Variants in BLM observed in about 807,000 individuals in gnomAD.
BLM encodes the protein recQ-like DNA helicase BLM.
BLM carries 95 observed loss-of-function variants against 135.3 expected under a neutral mutation model. The observed-to-expected ratio is 0.70, with a 90% CI of 0.59 to 0.83. The LOEUF (loss-of-function observed/expected upper bound fraction) is 0.83. Among genes scored for constraint, BLM ranks in the 40% least tolerant of loss-of-function variants. The pLI is 0.00. For synonymous variants in BLM, 520 were observed against 589.2 expected (o/e 0.88, Z 1.70); for missense variants, 1,518 against 1,663.9 (o/e 0.91, Z 1.53).
intron 1 of BLM, among the ~76,000 whole-genome samples, chr15:90,725,973 A>C (rs578065630): frequency 7.2e-5 from 11 of 151,944 alleles, no homozygotes; most frequent in Admixed American, 2.6e-4. Flanking sequence ...GATTTAACAT[A>C]ATTTTAGTCA....
chr15:90,788,214 C>G (rs1170820016), intron 14 of BLM, among the ~76,000 whole-genome samples: 1 of 152,028 alleles, frequency 6.6e-6, no homozygotes, highest in East Asian at 1.9e-4. Context: ...ATAATTGAAA[C>G]AGATAAGTGT....
intron 14 of BLM, among the ~76,000 whole-genome samples, chr15:90,789,575 G>A (rs543639140): frequency 3.3e-5 from 5 of 152,152 alleles, no homozygotes; most frequent in Non-Finnish European, 7.4e-5. Flanking sequence ...TGCCATAAAT[G>A]TAGATGGATG....
intron 1 of BLM, among the ~76,000 whole-genome samples, chr15:90,728,625 C>G (rs1011374716): frequency 2.0e-5 from 3 of 151,582 alleles, no homozygotes; most frequent in Non-Finnish European, 2.9e-5. Context: ...AGGCTGGTCT[C>G]GAACTCCTGA....
At chr15:90,744,847 C>T (rs1355474548) in intron 1 of BLM, among the ~76,000 whole-genome samples, 1 of 151,880 alleles carries the variant, frequency 6.6e-6, no homozygotes, top group African/African-American at 2.4e-5. Flanking sequence ...CACAGGAGTT[C>T]GAGGCCAGCC....
intron 15 of BLM, among the ~76,000 whole-genome samples, chr15:90,792,496 C>T (rs192322657): frequency 1.3e-5 from 2 of 152,246 alleles, no homozygotes; most frequent in South Asian, 2.1e-4. Context: ...TATATCACCT[C>T]ATTACCTTAT....
chr15:90,788,785 C>T (rs1896823334), intron 14 of BLM, among the ~76,000 whole-genome samples: 1 of 151,862 alleles, frequency 6.6e-6, no homozygotes, highest in Admixed American at 6.6e-5. Flanking sequence ...CCAGCCCAGG[C>T]AACATGGCGA....
chr15:90,794,464 G>A (rs1332895294), intron 16 of BLM, 107 bp downstream of exon 16: 2 of 828,570 alleles, frequency 2.4e-6, no homozygotes, highest in Non-Finnish European at 3.6e-6. Flanking sequence ...CAGATTAACA[G>A]GGGAAAGACA....
chr15:90,800,987 A>G (rs1897151541), intron 17 of BLM, among the ~76,000 whole-genome samples: 1 of 152,090 alleles, frequency 6.6e-6, no homozygotes, highest in Admixed American at 6.6e-5. Context: ...ATCTCTACAA[A>G]AAAATACAAA....
intron 1 of BLM, among the ~76,000 whole-genome samples, chr15:90,722,896 A>G (rs1266498449): frequency 2.6e-5 from 4 of 152,124 alleles, no homozygotes; most frequent in Non-Finnish European, 5.9e-5. Context: ...TCTGGAGTGC[A>G]GTGGCGCGAT....
chr15:90,779,870 G>A (rs1896574264), intron 12 of BLM, among the ~76,000 whole-genome samples: 1 of 151,900 alleles, frequency 6.6e-6, no homozygotes, highest in Admixed American at 6.6e-5. Flanking sequence ...CTCCTACCAA[G>A]GATTTCTAGT....
At position 90,758,608 on chromosome 15, in the gene BLM, C is replaced by T. The variant is rs377569850; in HGVS notation, c.1088-1539C>T. Among the ~76,000 whole-genome samples, 340 of 152,266 alleles carry T rather than the reference C, an allele frequency of 2.2e-3. 1 individual carries two copies. Among genetic ancestry groups the T allele is most frequent in the African/African-American group, 7.6e-3 (314 of 41,570 alleles). On this transcript the variant is annotated intron_variant, in intron 5 of 21. Coordinates refer to ENST00000355112, the MANE Select transcript of BLM (RefSeq NM_000057.4). The stretch of plus-strand genomic sequence containing the variant: ...TGTTCAAACATCATATCAGGAGTTG[C>T]TCTGTCTCTCACTTCCCTTCTCTCT...
Position 90,749,513 on chromosome 15 carries a change from A to G in BLM, c.245A>G (p.Asn82Ser), listed in dbSNP as rs1555418292. 1 of 1,614,178 alleles carries G rather than the reference A, an allele frequency of 6.2e-7. No homozygotes were observed. The highest frequency in any genetic ancestry group is 8.5e-7 in the Non-Finnish European group (1 of 1,180,018). ...SFSEPLPNTT[N>S]QQRVKDFFKN... ...AGTGAACCTCTACCCAACACCACAA[A>G]TCAGCAAAGGGTCAAGGACTTCTTT... is the stretch of plus-strand genomic sequence containing the variant. The change falls in exon 3 of 22, where the codon AAT becomes AGT. Residue 82 changes from asparagine (N) to serine (S), a missense_variant. Coordinates refer to ENST00000355112, the MANE Select transcript of BLM (RefSeq NM_000057.4).
intron 15 of BLM, 25 bp from the exon 16 acceptor site, chr15:90,794,142 T>C: frequency 6.5e-7 from 1 of 1,544,706 alleles, no homozygotes; most frequent in Non-Finnish European, 8.9e-7. Context: ...TAAGTATGTC[T>C]TACTATAGTC....
intron 14 of BLM, among the ~76,000 whole-genome samples, chr15:90,789,078 T>C (rs139700179): frequency 0.017 from 2,502 of 151,154 alleles, 28 homozygotes; most frequent in Non-Finnish European, 0.024. Flanking sequence ...TGATAAAAAA[T>C]ATGGTTAAAC....
At chr15:90,795,175 G>A (rs1231737888) in intron 16 of BLM, among the ~76,000 whole-genome samples, 1 of 152,174 alleles carries the variant, frequency 6.6e-6, no homozygotes, top group African/African-American at 2.4e-5. Context: ...ACATACATGT[G>A]TTCATAGAAG....
intron 1 of BLM, among the ~76,000 whole-genome samples, chr15:90,730,003 G>A (rs985696131): frequency 6.6e-6 from 1 of 151,920 alleles, no homozygotes; most frequent in Non-Finnish European, 1.5e-5. Flanking sequence ...GCGCCACCAT[G>A]ACCACCTAAT....
intron 1 of BLM, among the ~76,000 whole-genome samples, chr15:90,736,994 A>G (rs1895235726): frequency 6.6e-6 from 1 of 152,240 alleles, no homozygotes; most frequent in Non-Finnish European, 1.5e-5. Context: ...AATGTTTTAT[A>G]TATTCAAAAA....
At position 90,720,652 on chromosome 15, in the gene BLM, G is replaced by A. The variant is rs115112999; in HGVS notation, c.-5+3212G>A. Among the ~76,000 whole-genome samples, 772 of 151,270 alleles carry A rather than the reference G, an allele frequency of 5.1e-3. 9 individuals carry two copies. Among genetic ancestry groups the A allele is most frequent in the African/African-American group, 0.018 (728 of 41,178 alleles). On this transcript the variant is annotated intron_variant, in intron 1 of 21. Coordinates refer to ENST00000355112, the MANE Select transcript of BLM (RefSeq NM_000057.4). The stretch of plus-strand genomic sequence containing the variant: ...TTCTTTTCTTTTTTTTTGAGATAGG[G>A]CTCACTGCAGCTCCAGCCTCCCGGG...
chr15:90,787,717 T>C (rs1484247341), intron 14 of BLM, among the ~76,000 whole-genome samples: 5 of 152,086 alleles, frequency 3.3e-5, no homozygotes, highest in African/African-American at 1.2e-4. Context: ...GAGAGGCCGA[T>C]GTGGACGGAT....
Sources: allele counts gnomAD v4.1 joint callset (sites outside exome capture counted in the v4.1 genomes callset), GRCh38; gene constraint gnomAD v4.1.1; transcripts MANE v1.5; gene names NCBI Gene and HGNC (gene_info 2026-07-23, HGNC 2026-07-21).